Variants in SSBP2 observed in about 807,000 individuals in gnomAD.
SSBP2 encodes single-stranded DNA-binding protein 2.
A neutral mutation model predicts 61.8 loss-of-function variants in SSBP2; 17 were observed. The ratio of observed to expected loss-of-function variants is 0.28; its 90% CI spans 0.19 to 0.41. SSBP2 has a LOEUF of 0.41. Ranked by LOEUF, SSBP2 falls within the 10% of genes least tolerant of loss-of-function variation. The probability of loss-of-function intolerance (pLI) is 1.00; values close to 1 mark genes in which losing one functional copy is unlikely to be tolerated. For missense variants in SSBP2, 310 were observed against 458.7 expected (o/e 0.68, Z 2.96); for synonymous variants, 139 against 141.3 (o/e 0.98, Z 0.12).
chr5:81,441,889 G>T lies in SSBP2; in HGVS notation c.849+764C>A, dbSNP rs192778022. ...TTATCAAAAGCATAGTTTAGATATG[G>T]GTTGAAAAACTGGTGCTGGTAGGCC... On this transcript the variant is annotated intron_variant, in intron 13 of 16. Coordinates refer to ENST00000320672, the MANE Select transcript of SSBP2 (RefSeq NM_012446.5). Among the ~76,000 whole-genome samples the T allele has an allele frequency of 1.8e-3, 280 of 152,190 alleles. 1 individual carries two copies. Among genetic ancestry groups the T allele is most frequent in the African/African-American group, 6.5e-3 (268 of 41,514 alleles).
intron 1 of SSBP2, among the ~76,000 whole-genome samples, chr5:81,725,691 C>T (rs1755830540): frequency 6.6e-6 from 1 of 152,124 alleles, no homozygotes; most frequent in Admixed American, 6.5e-5. Context: ...AACAGATATA[C>T]AGAGATCCAA....
intron 1 of SSBP2, among the ~76,000 whole-genome samples, chr5:81,684,122 C>A (rs1276605343): frequency 6.6e-6 from 1 of 152,206 alleles, no homozygotes; most frequent in African/African-American, 2.4e-5. Context: ...AAACTGAAAA[C>A]TTATTTCCTC....
At chr5:81,542,864 T>A (rs1383087737) in intron 4 of SSBP2, among the ~76,000 whole-genome samples, 1 of 148,296 alleles carries the variant, frequency 6.7e-6, no homozygotes, top group Non-Finnish European at 1.5e-5. Context: ...CTTTCTTTCT[T>A]CTTTTTTTGA....
At chr5:81,589,740 A>G (rs908540103) in intron 4 of SSBP2, among the ~76,000 whole-genome samples, 1 of 152,200 alleles carries the variant, frequency 6.6e-6, no homozygotes, top group East Asian at 1.9e-4. Flanking sequence ...TAAATAAAAG[A>G]TATGTATTTT....
intron 1 of SSBP2, among the ~76,000 whole-genome samples, chr5:81,668,535 C>G (rs1751351384): frequency 6.6e-6 from 1 of 151,644 alleles, no homozygotes; most frequent in Middle Eastern, 3.4e-3. Flanking sequence ...CCATGTTAAA[C>G]TCATGTTTTA....
intron 1 of SSBP2, among the ~76,000 whole-genome samples, chr5:81,718,152 A>G (rs1296540140): frequency 1.3e-5 from 2 of 152,176 alleles, no homozygotes; most frequent in Admixed American, 1.3e-4. Flanking sequence ...TTTCTTTAAA[A>G]AGTAGGGAAA....
rs772987770 is a variant in SSBP2, at chr5:81,428,696, T to C, written c.958-13A>G. The C allele has an allele frequency of 1.0e-5, 16 of 1,600,364 alleles. No individual in the cohort carries two copies. The highest frequency in any genetic ancestry group is 1.3e-5 in the Non-Finnish European group (15 of 1,168,674). ...TATTGGGAGAATTCTGTAAACAAGATTTAGAAAACAAGGCATTGTTGAAAA... is the reference window on the plus strand; with the variant it reads ...TATTGGGAGAATTCTGTAAACAAGACTTAGAAAACAAGGCATTGTTGAAAA... On this transcript the variant is annotated splice_polypyrimidine_tract_variant and intron_variant, in intron 15 of 16. Coordinates refer to ENST00000320672, the MANE Select transcript of SSBP2 (RefSeq NM_012446.5).
At chr5:81,544,738 A>G (rs192575173) in intron 4 of SSBP2, among the ~76,000 whole-genome samples, 39 of 152,302 alleles carry the variant, frequency 2.6e-4, no homozygotes, top group Non-Finnish European at 4.9e-4. Flanking sequence ...TATGGTAGAG[A>G]CTGGATGCTC....
intron 2 of SSBP2, among the ~76,000 whole-genome samples, chr5:81,640,690 T>G (rs994375176): frequency 2.7e-5 from 4 of 150,072 alleles, no homozygotes; most frequent in African/African-American, 9.7e-5. Context: ...CATCCTTCTC[T>G]CAAAAACTCT....
chr5:81,592,622 G>A (rs565392090), intron 4 of SSBP2, among the ~76,000 whole-genome samples: 9 of 152,226 alleles, frequency 5.9e-5, no homozygotes, highest in East Asian at 5.8e-4. Context: ...TTACACAGCC[G>A]GATACTCCTC....
chr5:81,549,842 T>C (rs1772036094), intron 4 of SSBP2, among the ~76,000 whole-genome samples: 1 of 152,170 alleles, frequency 6.6e-6, no homozygotes, highest in Non-Finnish European at 1.5e-5. Flanking sequence ...TTACTGATCA[T>C]TTATCGACTG....
At chr5:81,550,686 G>C (rs1772106613) in intron 4 of SSBP2, among the ~76,000 whole-genome samples, 1 of 152,136 alleles carries the variant, frequency 6.6e-6, no homozygotes, top group Non-Finnish European at 1.5e-5. Context: ...TAACCATGTA[G>C]ATATAATTTT....
rs193064467 is a variant in SSBP2, at chr5:81,511,153, C to T, written c.372+2475G>A. ...CTAAGTCATAACTCATCCTTAAATG[C>T]GAAATTGGATTTCATTTACTATTTT... On this transcript the variant is annotated intron_variant, in intron 5 of 16. Coordinates refer to ENST00000320672, the MANE Select transcript of SSBP2 (RefSeq NM_012446.5). 6.1e-4 allele frequency among the ~76,000 whole-genome samples: 93 copies of T among 152,202 alleles called. 1 individual carries two copies. The highest frequency in any genetic ancestry group is 2.2e-4 in the Non-Finnish European group (15 of 68,002).
At position 81,453,309 on chromosome 5, in the gene SSBP2, C is replaced by G. The variant is rs148732580; in HGVS notation, c.688-4484G>C. ...GCAACAGAGTGAGACCCTGTCCCCC[C>G]ACCCCACCAAAAAAAAGAGATAGAG... On this transcript the variant is annotated intron_variant, in intron 10 of 16. Transcript: ENST00000320672. 8.3e-3 allele frequency among the ~76,000 whole-genome samples: 1,252 copies of G among 151,704 alleles called. 12 individuals carry two copies. The highest frequency in any genetic ancestry group is 0.027 in the African/African-American group (1,137 of 41,348).
chr5:81,622,349 G>A (rs1396666848), intron 3 of SSBP2, among the ~76,000 whole-genome samples: 1 of 152,086 alleles, frequency 6.6e-6, no homozygotes, highest in Non-Finnish European at 1.5e-5. Context: ...TACAATTATC[G>A]ATAGAGTTAT....
chr5:81,734,258 T>A (rs1163109739), intron 1 of SSBP2, among the ~76,000 whole-genome samples: 4 of 152,164 alleles, frequency 2.6e-5, no homozygotes, highest in Admixed American at 2.6e-4. Flanking sequence ...AAACCTTCCA[T>A]ACTAAGAAAA....
At chr5:81,474,371 C>T (rs917740807) in intron 7 of SSBP2, 125 bp downstream of exon 7, 10 of 755,210 alleles carry the variant, frequency 1.3e-5, no homozygotes, top group Admixed American at 2.4e-5. Context: ...GGCTATGTTA[C>T]TTAGAAAAAT....
chr5:81,444,115 ATATC>A lies in SSBP2; in HGVS notation c.779-1396_779-1393del, dbSNP rs555074661. ...TCTAAATACTGTATCTTATTTGAATATATCTATTTGAATATATCATAATGTTGAA... is the reference window on the plus strand; with the variant it reads ...TCTAAATACTGTATCTTATTTGAATATATTTGAATATATCATAATGTTGAA... On this transcript the variant is annotated intron_variant, in intron 12 of 16. Coordinates refer to ENST00000320672, the MANE Select transcript of SSBP2 (RefSeq NM_012446.5). Among the ~76,000 whole-genome samples, 40 of 152,286 alleles carry A rather than the reference ATATC, an allele frequency of 2.6e-4. 1 individual carries two copies. The East Asian group carries it at 7.5e-3, about 29-fold the overall frequency.
At chr5:81,724,991 C>T (rs1201208592) in intron 1 of SSBP2, among the ~76,000 whole-genome samples, 1 of 152,120 alleles carries the variant, frequency 6.6e-6, no homozygotes, top group Non-Finnish European at 1.5e-5. Flanking sequence ...AGAGAACTTA[C>T]CTTTTTAAGT....
Sources: allele counts gnomAD v4.1 joint callset (sites outside exome capture counted in the v4.1 genomes callset), GRCh38; gene constraint gnomAD v4.1.1; transcripts MANE v1.5; gene names NCBI Gene and HGNC (gene_info 2026-07-23, HGNC 2026-07-21).